EIPR1: variants seen among roughly 807,000 people sequenced by gnomAD.
The protein encoded by EIPR1 is EARP and GARP complex-interacting protein 1.
Under a neutral mutation model 48.1 loss-of-function variants are expected in EIPR1, and 25 were observed. The observed-to-expected ratio is 0.52, with a 90% CI of 0.38 to 0.73. EIPR1 has a LOEUF of 0.73. Among genes scored for constraint, EIPR1 ranks in the 30% least tolerant of loss-of-function variants. The probability of loss-of-function intolerance (pLI) is 0.00; values close to 1 mark genes in which losing one functional copy is unlikely to be tolerated. For missense variants in EIPR1, 415 were observed against 506.2 expected, an observed-to-expected ratio of 0.82 and a Z score of 1.73; for synonymous variants, 204 against 201.9, an observed-to-expected ratio of 1.01 and a Z score of -0.09.
intron 5 of EIPR1, chr2:3,208,980 C>A (rs1424707310): frequency 1.4e-6 from 2 of 1,464,256 alleles, no homozygotes; most frequent in South Asian, 2.9e-5. Flanking sequence ...GGGAAGAGCT[C>A]TCATATTATC....
chr2:3,363,898 G>C (rs764990479), intron 1 of EIPR1, among the ~76,000 whole-genome samples: 58 of 150,782 alleles, frequency 3.8e-4, no homozygotes, highest in Non-Finnish European at 6.8e-4. Context: ...ATGGCCAACA[G>C]GTCTATGAAA....
chr2:3,254,493 CA>C (rs1374168241), intron 4 of EIPR1, among the ~76,000 whole-genome samples: 1 of 152,218 alleles, frequency 6.6e-6, no homozygotes, highest in African/African-American at 2.4e-5. Context: ...CCCGCCGCAG[CA>C]AAGAGGAACC....
At position 3,260,364 on chromosome 2, in the gene EIPR1, G is replaced by A. The variant is rs1449382410; in HGVS notation, c.260-2909C>T. 2.6e-5 allele frequency among the ~76,000 whole-genome samples: 4 copies of A among 152,020 alleles called. No homozygotes were observed. The East Asian group carries it at 5.8e-4, about 22-fold the overall frequency. The stretch of plus-strand genomic sequence containing the variant: ...AAATTAGCTGGGCATGGTGGTGGGC[G>A]CCTATAATCCCAGCTACTTGGGAGG... On this transcript the variant is annotated intron_variant, in intron 3 of 8. Transcript: ENST00000382125.
chr2:3,369,223 C>T (rs62119550), intron 1 of EIPR1, among the ~76,000 whole-genome samples: 24,524 of 152,138 alleles, frequency 0.16, 2,186 homozygotes, highest in Non-Finnish European at 0.2. Context: ...ATTCATTTTT[C>T]AAACCTCAGA....
Position 3,377,707 on chromosome 2 carries a change from C to A in EIPR1, c.-18G>T, listed in dbSNP as rs1295741892. 1 of 1,572,814 alleles carries A rather than the reference C, an allele frequency of 6.4e-7. No homozygotes were observed. The highest frequency in any genetic ancestry group is 1.4e-5 in the African/African-American group (1 of 73,894). On this transcript the variant is annotated 5_prime_UTR_variant, in exon 1 of 9. Transcript: ENST00000382125. The stretch of plus-strand genomic sequence containing the variant: ...TCCTCCATGCTGCGGGGAAGCGACC[C>A]GACCCCGGCCACTCACACGCTAAGG...
chr2:3,252,097 G>A (rs903084236), intron 4 of EIPR1, among the ~76,000 whole-genome samples: 2 of 152,206 alleles, frequency 1.3e-5, no homozygotes, highest in Admixed American at 6.5e-5. Flanking sequence ...GGTTCAATAC[G>A]ATATGGTTGT....
intron 4 of EIPR1, among the ~76,000 whole-genome samples, chr2:3,243,849 C>T (rs1666716564): frequency 6.6e-6 from 1 of 152,174 alleles, no homozygotes. Flanking sequence ...ACGTACAGGG[C>T]ATGGCTCTGC....
intron 1 of EIPR1, among the ~76,000 whole-genome samples, chr2:3,366,874 G>A (rs1014867729): frequency 6.6e-6 from 1 of 152,102 alleles, no homozygotes; most frequent in African/African-American, 2.4e-5. Flanking sequence ...CCAACGTGGT[G>A]AAACCCCATC....
chr2:3,229,958 G>A (rs569722642), intron 4 of EIPR1, among the ~76,000 whole-genome samples: 81 of 152,202 alleles, frequency 5.3e-4, no homozygotes, highest in African/African-American at 1.9e-3. Context: ...GTTACTCACA[G>A]GGGTATCTGC....
intron 4 of EIPR1, among the ~76,000 whole-genome samples, chr2:3,253,212 A>G (rs1428135643): frequency 6.6e-6 from 1 of 152,220 alleles, no homozygotes; most frequent in Non-Finnish European, 1.5e-5. Flanking sequence ...ATTGTTAACC[A>G]GAAAATGTTT....
intron 5 of EIPR1, among the ~76,000 whole-genome samples, chr2:3,203,460 C>T (rs1407215874): frequency 1.3e-5 from 2 of 152,230 alleles, no homozygotes; most frequent in African/African-American, 4.8e-5. Flanking sequence ...TGCCGGTAGT[C>T]AGCGACAAAA....
intron 1 of EIPR1, among the ~76,000 whole-genome samples, chr2:3,359,489 A>C (rs1670805030): frequency 6.6e-6 from 1 of 152,218 alleles, no homozygotes; most frequent in South Asian, 2.1e-4. Flanking sequence ...AAAGCATTGC[A>C]AATTTGAAAC....
chr2:3,291,761 T>G (rs1668372470), intron 3 of EIPR1, among the ~76,000 whole-genome samples: 1 of 152,244 alleles, frequency 6.6e-6, no homozygotes, highest in Admixed American at 6.5e-5. Context: ...ATGGTATTGT[T>G]ATCACTTTAT....
At chr2:3,307,164 G>A (rs1668972687) in intron 3 of EIPR1, among the ~76,000 whole-genome samples, 1 of 152,032 alleles carries the variant, frequency 6.6e-6, no homozygotes, top group Non-Finnish European at 1.5e-5. Flanking sequence ...GTTCTACCAT[G>A]TTGGACAGGC....
intron 3 of EIPR1, chr2:3,257,670 C>T: frequency 2.3e-6 from 1 of 428,758 alleles, no homozygotes; most frequent in Non-Finnish European, 4.1e-6. Context: ...CTGTTCCCCA[C>T]TTTCTCTTTG....
intron 1 of EIPR1, among the ~76,000 whole-genome samples, chr2:3,356,571 T>C (rs1333102526): frequency 1.3e-5 from 2 of 152,192 alleles, no homozygotes; most frequent in African/African-American, 2.4e-5. Flanking sequence ...AGCATAATAA[T>C]GGCCCTCCAT....
At chr2:3,344,526 C>T (rs1427981305) in intron 2 of EIPR1, among the ~76,000 whole-genome samples, 4 of 152,150 alleles carry the variant, frequency 2.6e-5, no homozygotes, top group Admixed American at 2.6e-4. Flanking sequence ...AGTCACTAAC[C>T]CTTTCTGGGC....
chr2:3,372,613 T>TA (rs1263486878), intron 1 of EIPR1, among the ~76,000 whole-genome samples: 2 of 152,180 alleles, frequency 1.3e-5, no homozygotes, highest in East Asian at 3.9e-4. Context: ...TCTACGCAAA[T>TA]AAACTAGAAA....
At chr2:3,231,977 G>A (rs1018354476) in intron 4 of EIPR1, among the ~76,000 whole-genome samples, 1 of 152,164 alleles carries the variant, frequency 6.6e-6, no homozygotes, top group Non-Finnish European at 1.5e-5. Context: ...GCTTTTCTTT[G>A]TTGGGAGATT....
Sources: allele counts gnomAD v4.1 joint callset (sites outside exome capture counted in the v4.1 genomes callset), GRCh38; gene constraint gnomAD v4.1.1; transcripts MANE v1.5; gene names NCBI Gene and HGNC (gene_info 2026-07-23, HGNC 2026-07-21).